The following ZBTB7C variants were observed in gnomAD, a reference collection of about 807,000 sequenced individuals.
ZBTB7C encodes the protein zinc finger and BTB domain containing 7C.
Under a neutral mutation model 25.7 loss-of-function variants are expected in ZBTB7C, and 8 were observed. That is an observed-to-expected ratio of 0.31 (90% CI 0.18 to 0.56). The LOEUF is 0.56. Ranked by LOEUF, ZBTB7C falls within the 20% of genes least tolerant of loss-of-function variation. The probability of loss-of-function intolerance (pLI) is 0.91; values close to 1 mark genes in which losing one functional copy is unlikely to be tolerated. For missense variants in ZBTB7C, 824 were observed against 855.2 expected (o/e 0.96, Z 0.46); for synonymous variants, 394 against 369.0 (o/e 1.07, Z -0.78).
chr18:48,159,058 G>C (rs1015017511), intron 3 of ZBTB7C, among the ~76,000 whole-genome samples: 1 of 152,010 alleles, frequency 6.6e-6, no homozygotes, highest in African/African-American at 2.4e-5. Context: ...AGGCGACAGG[G>C]GATGCAGAGA....
intron 2 of ZBTB7C, among the ~76,000 whole-genome samples, chr18:48,226,101 C>A (rs187164074): frequency 1.3e-3 from 200 of 152,326 alleles, no homozygotes; most frequent in African/African-American, 4.7e-3. Flanking sequence ...TCATCTCAGA[C>A]TGTTCCAGCT....
chr18:48,076,937 T>G (rs1053408205), intron 3 of ZBTB7C: 1 of 985,152 alleles, frequency 1.0e-6, no homozygotes, highest in East Asian at 1.1e-4. Flanking sequence ...AGTACTAACC[T>G]GGCTTTAACA....
chr18:48,368,988 A>G (rs2047321264), intron 1 of ZBTB7C, among the ~76,000 whole-genome samples: 1 of 152,224 alleles, frequency 6.6e-6, no homozygotes, highest in Non-Finnish European at 1.5e-5. Flanking sequence ...CCTTAGGACA[A>G]GAGGAGGGAA....
intron 3 of ZBTB7C, among the ~76,000 whole-genome samples, chr18:48,129,868 A>C (rs550679531): frequency 1.3e-5 from 2 of 152,102 alleles, no homozygotes; most frequent in Non-Finnish European, 2.9e-5. Context: ...TATGGGGTGG[A>C]AGCCAAGGTC....
At chr18:48,277,837 C>CT (rs11325746) in intron 2 of ZBTB7C, among the ~76,000 whole-genome samples, 7,924 of 147,086 alleles carry the variant, frequency 0.054, 665 homozygotes, top group African/African-American at 0.18. Context: ...ACCACATGAG[C>CT]TTTTTTTTTT....
At chr18:48,095,549 TA>T (rs754522912) in intron 3 of ZBTB7C, among the ~76,000 whole-genome samples, 1 of 151,826 alleles carries the variant, frequency 6.6e-6, no homozygotes, top group Non-Finnish European at 1.5e-5. Context: ...TCATCTCTAA[TA>T]AAAATACAAA....
intron 3 of ZBTB7C, among the ~76,000 whole-genome samples, chr18:48,102,631 A>G (rs1280766050): frequency 6.6e-6 from 1 of 151,996 alleles, no homozygotes; most frequent in Non-Finnish European, 1.5e-5. Context: ...GGGCATGCTG[A>G]ACTATGAAAG....
upstream of ZBTB7C, among the ~76,000 whole-genome samples, chr18:48,410,481 G>A (rs147406610): frequency 9.8e-3 from 1,489 of 152,310 alleles, 23 homozygotes; most frequent in African/African-American, 0.03. Flanking sequence ...CCGCCCCCTC[G>A]GAGTCTGTCG....
intron 3 of ZBTB7C, among the ~76,000 whole-genome samples, chr18:48,151,670 C>T (rs1598978790): frequency 6.6e-6 from 1 of 152,202 alleles, no homozygotes; most frequent in South Asian, 2.1e-4. Flanking sequence ...CTGAGTTCTT[C>T]AATCTCCAAT....
intron 3 of ZBTB7C, among the ~76,000 whole-genome samples, chr18:48,182,961 T>C (rs952316813): frequency 6.6e-6 from 1 of 152,324 alleles, no homozygotes; most frequent in South Asian, 2.1e-4. Context: ...ATTTTATGTA[T>C]AATTTGCTTT....
At chr18:48,297,529 G>T (rs983714804) in intron 2 of ZBTB7C, among the ~76,000 whole-genome samples, 3 of 152,062 alleles carry the variant, frequency 2.0e-5, no homozygotes, top group Non-Finnish European at 4.4e-5. Context: ...GCAGTGCTGG[G>T]TGGGATGTGC....
intron 3 of ZBTB7C, among the ~76,000 whole-genome samples, chr18:48,057,566 C>CT (rs2036967452): frequency 6.6e-6 from 1 of 152,202 alleles, no homozygotes; most frequent in South Asian, 2.1e-4. Flanking sequence ...GGTTGGAAGG[C>CT]TGCCAGTGAG....
At chr18:48,250,174 C>A (rs555882785) in intron 2 of ZBTB7C, among the ~76,000 whole-genome samples, 1 of 152,280 alleles carries the variant, frequency 6.6e-6, no homozygotes, top group East Asian at 1.9e-4. Context: ...CCAGAACCCC[C>A]AACATCTTTG....
chr18:48,120,284 G>A (rs2039585219), intron 3 of ZBTB7C, among the ~76,000 whole-genome samples: 1 of 152,120 alleles, frequency 6.6e-6, no homozygotes, highest in Admixed American at 6.5e-5. Context: ...AGATGAGGTG[G>A]GAGCTGAGGG....
chr18:48,033,947 T>C (rs1163297995), intron 4 of ZBTB7C, among the ~76,000 whole-genome samples: 4 of 152,186 alleles, frequency 2.6e-5, no homozygotes, highest in Non-Finnish European at 5.9e-5. Context: ...TTGGGGCCTC[T>C]AGTGCTCCAT....
rs77181272 is a variant in ZBTB7C at position 48,056,814 on chromosome 18, C to T, written c.-16-15691G>A. 7.0e-3 allele frequency among the ~76,000 whole-genome samples: 1,063 copies of T among 151,718 alleles called. 64 individuals are homozygous for T. In the East Asian group the frequency reaches 0.14, roughly 20 times the overall value. ...ATATTGAAGAACTACTTTATAATTG[C>T]AAAGGAAAAATATTTTGCTAAGATA... On this transcript the variant is annotated intron_variant, in intron 3 of 4. Transcript: ENST00000590800.
chr18:48,068,514 C>A (rs1257322439), intron 3 of ZBTB7C, among the ~76,000 whole-genome samples: 1 of 151,850 alleles, frequency 6.6e-6, no homozygotes, highest in Non-Finnish European at 1.5e-5. Flanking sequence ...AACAAAAAAA[C>A]AAAACACCAG....
At chr18:48,235,173 A>C (rs535211329) in intron 2 of ZBTB7C, among the ~76,000 whole-genome samples, 1 of 152,158 alleles carries the variant, frequency 6.6e-6, no homozygotes, top group Non-Finnish European at 1.5e-5. Flanking sequence ...TATTGTAATG[A>C]CTAATAGAGA....
chr18:48,109,097 C>T (rs1246710103), intron 3 of ZBTB7C, among the ~76,000 whole-genome samples: 1 of 152,098 alleles, frequency 6.6e-6, no homozygotes, highest in African/African-American at 2.4e-5. Context: ...ACACAGCTCC[C>T]AGTTGTGGGG....
Sources: gnomAD v4.1 joint callset for allele counts (sites outside exome capture counted in the v4.1 genomes callset) on GRCh38, gnomAD v4.1.1 for gene constraint, MANE v1.5 for transcripts, NCBI Gene and HGNC (gene_info 2026-07-23, HGNC 2026-07-21) for gene names.